The following DHX15 variants were observed in gnomAD, a reference collection of about 807,000 sequenced individuals.
The protein encoded by DHX15 is ATP-dependent RNA helicase DHX15.
In DHX15, 11 loss-of-function variants were observed where a neutral mutation model predicts 94.4. The observed-to-expected ratio is 0.12, with a 90% confidence interval of 0.07 to 0.19. The LOEUF is 0.19. DHX15 is among the 10% of genes least tolerant of loss of function. DHX15 has a pLI of 1.00. For synonymous variants in DHX15, 338 were observed against 329.9 expected (o/e 1.02, Z -0.27); for missense variants, 304 against 988.5 (o/e 0.31, Z 9.29).
At chr4:24,542,839 T>C (rs1293978676) in intron 7 of DHX15, 101 bp downstream of exon 7, 29 of 867,482 alleles carry the variant, frequency 3.3e-5, no homozygotes, top group Admixed American at 7.4e-5. Context: ...AAAAAAAAGA[T>C]AGGAAAATAA....
At chr4:24,538,873 G>C (rs575311222) in intron 10 of DHX15, 1 of 152,044 alleles carries the variant, frequency 6.6e-6, no homozygotes, top group African/African-American at 2.4e-5. Flanking sequence ...AGAGAACCTA[G>C]AGAAATAAAA....
intron 6 of DHX15, 106 bp from the exon 7 acceptor site, chr4:24,543,132 G>A: frequency 1.4e-6 from 1 of 689,902 alleles, no homozygotes; most frequent in Non-Finnish European, 2.4e-6. Context: ...TTTCAAGCCA[G>A]CAAATAAACT....
intron 8 of DHX15, 74 bp downstream of exon 8, chr4:24,541,799 G>A (rs879162561): frequency 7.2e-7 from 1 of 1,386,278 alleles, no homozygotes; most frequent in South Asian, 1.6e-5. Context: ...AAGTAAATAA[G>A]GCAATGTTCT....
chr4:24,558,372 A>C (rs1009116318), intron 3 of DHX15, among the ~76,000 whole-genome samples: 2 of 152,154 alleles, frequency 1.3e-5, no homozygotes, highest in Non-Finnish European at 2.9e-5. Context: ...CTAGTTTTAA[A>C]AGTCACCTTC....
At chr4:24,561,384 G>A (rs1721869610) in intron 3 of DHX15, among the ~76,000 whole-genome samples, 1 of 152,164 alleles carries the variant, frequency 6.6e-6, no homozygotes, top group African/African-American at 2.4e-5. Context: ...TTCAGCCATT[G>A]TGGAAAGCAG....
At chr4:24,583,483 A>T (rs1045591663) in intron 1 of DHX15, among the ~76,000 whole-genome samples, 1 of 151,916 alleles carries the variant, frequency 6.6e-6, no homozygotes, top group Admixed American at 6.6e-5. Flanking sequence ...GAAAAAAAAA[A>T]ACAATGCCTT....
chr4:24,580,059 C>T (rs1722374107), intron 1 of DHX15, among the ~76,000 whole-genome samples: 1 of 152,190 alleles, frequency 6.6e-6, no homozygotes, highest in Non-Finnish European at 1.5e-5. Context: ...CCACCGCGCC[C>T]CACCAATATT....
chr4:24,581,552 G>A (rs553064081), intron 1 of DHX15, among the ~76,000 whole-genome samples: 19 of 152,296 alleles, frequency 1.2e-4, no homozygotes, highest in African/African-American at 4.6e-4. Flanking sequence ...AAACCTTTGA[G>A]TATAAACATT....
intron 4 of DHX15, among the ~76,000 whole-genome samples, 195 bp from the exon 5 acceptor site, chr4:24,555,138 G>A (rs1553950652): frequency 6.6e-6 from 1 of 151,152 alleles, no homozygotes; most frequent in Non-Finnish European, 1.5e-5. Context: ...TAAAAATTTA[G>A]AAAAAAAATA....
chr4:24,584,255 C>A, intron 1 of DHX15, 68 bp downstream of exon 1: 2 of 1,510,430 alleles, frequency 1.3e-6, no homozygotes, highest in Non-Finnish European at 1.8e-6. Flanking sequence ...CAGGCCAGCC[C>A]CGGCCCGCTC....
chr4:24,549,531 CA>C (rs1344900972), intron 5 of DHX15, among the ~76,000 whole-genome samples: 4 of 152,156 alleles, frequency 2.6e-5, no homozygotes, highest in African/African-American at 9.7e-5. Context: ...TAGGCTAACC[CA>C]AATGTCTTAG....
chr4:24,584,473 T>C lies in DHX15; in HGVS notation c.-80A>G. 7.3e-7 allele frequency: 1 copy of C among 1,371,250 alleles called. No individual in the cohort carries two copies. 84.9% of individuals were successfully genotyped at this position (1,371,250 alleles called of 1,614,324 possible). A position where few individuals can be genotyped will look rare whatever the true frequency, so the allele number is the denominator to read the frequency against. ...GCACAGTCGAGGACAGCCACTTAAC[T>C]CTGGAGGACCCCCACCCCTCCCGCT... On this transcript the variant is annotated 5_prime_UTR_variant, in exon 1 of 14. Coordinates refer to ENST00000336812, the MANE Select transcript of DHX15 (RefSeq NM_001358.3).
In DHX15 at chr4:24,582,063, T is replaced by C. The variant is rs79923544; in HGVS notation, c.71+2260A>G. Among the ~76,000 whole-genome samples the C allele has an allele frequency of 2.7e-3, 405 of 152,184 alleles. 1 individual carries two copies. The highest frequency in any genetic ancestry group is 5.4e-3 in the South Asian group (26 of 4,820). On this transcript the variant is annotated intron_variant, in intron 1 of 13. Transcript: ENST00000336812. ...TATGCTCTCCAATAAAACCACTTGC[T>C]TATCAGGGAAAAAAAAAATCTGCAG...
chr4:24,559,817 T>C (rs1721824687), intron 3 of DHX15, among the ~76,000 whole-genome samples: 1 of 152,184 alleles, frequency 6.6e-6, no homozygotes, highest in Non-Finnish European at 1.5e-5. Context: ...ATCAGAAATT[T>C]TGAAGGTGAG....
At chr4:24,566,482 T>C (rs1471148526) in intron 3 of DHX15, among the ~76,000 whole-genome samples, 2 of 152,162 alleles carry the variant, frequency 1.3e-5, no homozygotes, top group Admixed American at 6.6e-5. Flanking sequence ...CCCTATCCCA[T>C]AACCCCTGTT....
At chr4:24,540,007 A>G (rs1721277104) in intron 10 of DHX15, 101 bp downstream of exon 10, 1 of 819,052 alleles carries the variant, frequency 1.2e-6, no homozygotes, top group African/African-American at 1.8e-5. Flanking sequence ...AACCATCTAT[A>G]AAATCCACTA....
intron 5 of DHX15, among the ~76,000 whole-genome samples, chr4:24,554,112 G>A (rs1490609821): frequency 6.6e-6 from 1 of 152,130 alleles, no homozygotes; most frequent in Non-Finnish European, 1.5e-5. Flanking sequence ...CAGCTACTTG[G>A]GAGGCTGAGG....
chr4:24,547,887 CTCT>C, intron 6 of DHX15, among the ~76,000 whole-genome samples: 1 of 10,970 alleles, frequency 9.1e-5, no homozygotes, highest in East Asian at 2.5e-3. Context: ...CTCTCTCTCT[CTCT>C]ATGTATGTAT....
At chr4:24,529,009 A>AT (rs1290918594) in intron 13 of DHX15, among the ~76,000 whole-genome samples, 22 of 151,218 alleles carry the variant, frequency 1.5e-4, no homozygotes, top group African/African-American at 5.1e-4. Context: ...AATTAAAAAA[A>AT]TTAAAAAAAA....
Sources: allele counts gnomAD v4.1 joint callset (sites outside exome capture counted in the v4.1 genomes callset), GRCh38; gene constraint gnomAD v4.1.1; transcripts MANE v1.5; gene names NCBI Gene and HGNC (gene_info 2026-07-23, HGNC 2026-07-21).